The following TMPRSS7 variants were observed in gnomAD, a reference collection of about 807,000 sequenced individuals.
TMPRSS7 encodes the protein transmembrane protease serine 7.
Under a neutral mutation model 95.6 loss-of-function variants are expected in TMPRSS7, and 81 were observed. The observed-to-expected ratio is 0.85, with a 90% CI of 0.71 to 1.02. TMPRSS7 has a LOEUF of 1.02. Among genes scored for constraint, TMPRSS7 ranks in the 50% least tolerant of loss-of-function variants. The pLI is 0.00. For missense variants in TMPRSS7, 945 were observed against 955.2 expected (o/e 0.99, Z 0.14); for synonymous variants, 364 against 337.8 (o/e 1.08, Z -0.85).
chr3:112,053,158 C>A (rs1359828938), intron 9 of TMPRSS7, among the ~76,000 whole-genome samples: 1 of 138,898 alleles, frequency 7.2e-6, no homozygotes, highest in Admixed American at 7.7e-5. Context: ...CTTTTTTTTT[C>A]ACCTGTAAAA....
Position 112,038,218 on chromosome 3 carries a change from GAA to G in TMPRSS7, c.200_201del (p.Lys67SerfsTer9). ...AAGCCAAACCCAAGAAGCAATCCAAGAAAAAAGTTCCCTTTTGGAATGTACAA... is the reference window on the plus strand; with the variant it reads ...AAGCCAAACCCAAGAAGCAATCCAAGAAAAGTTCCCTTTTGGAATGTACAA... On this transcript the variant is annotated frameshift_variant, in exon 2 of 18. Transcript: ENST00000452346. LOFTEE classifies it high-confidence loss of function. 1 of 702,734 alleles carries G rather than the reference GAA, an allele frequency of 1.4e-6. No individual in the cohort carries two copies. Among genetic ancestry groups the G allele is most frequent in the South Asian group, 1.5e-5 (1 of 67,578 alleles). 43.5% of individuals were successfully genotyped at this position (702,734 alleles called of 1,614,324 possible). A position where few individuals can be genotyped will look rare whatever the true frequency, so the allele number is the denominator to read the frequency against.
chr3:112,064,153 G>A (rs1459320157), intron 12 of TMPRSS7, among the ~76,000 whole-genome samples: 4 of 152,104 alleles, frequency 2.6e-5, no homozygotes, highest in East Asian at 1.9e-4. Context: ...ATACTACCAC[G>A]GGGAGTAAAG....
At chr3:112,047,617 G>C in intron 6 of TMPRSS7, 122 bp from the exon 7 acceptor site, 1 of 722,418 alleles carries the variant, frequency 1.4e-6, no homozygotes, top group Non-Finnish European at 2.3e-6. Context: ...AGTGGACCTA[G>C]GCTGGCCATA....
chr3:112,053,053 T>A (rs2073381956), intron 9 of TMPRSS7, among the ~76,000 whole-genome samples: 1 of 152,112 alleles, frequency 6.6e-6, no homozygotes. Context: ...AAGTTTGTCC[T>A]CCTCAGTGTA....
rs1451953540 is a variant in TMPRSS7, at chr3:112,050,664, T to C, written c.1091-7T>C. On this transcript the variant is annotated splice_region_variant and splice_polypyrimidine_tract_variant and intron_variant, in intron 8 of 17. Coordinates refer to ENST00000452346, the Ensembl canonical transcript of TMPRSS7. ...AATCATTGTGTGTCACTGGGTATCT[T>C]TTCCAGAGTGTGAAAACACAGTGTT... The C allele has an allele frequency of 4.5e-6, 7 of 1,562,302 alleles. No homozygotes were observed. The highest frequency in any genetic ancestry group is 6.1e-6 in the Non-Finnish European group (7 of 1,149,944).
chr3:112,045,846 C>T (rs1234111205), exon 5 of TMPRSS7: 4 of 1,551,704 alleles, frequency 2.6e-6, no homozygotes, highest in Non-Finnish European at 3.5e-6. Context: ...GTGTTGCCGC[C>T]ATCTTGAAGG....
chr3:112,050,198 A>C (rs1188461023), intron 8 of TMPRSS7, among the ~76,000 whole-genome samples: 1 of 152,242 alleles, frequency 6.6e-6, no homozygotes, highest in Non-Finnish European at 1.5e-5. Context: ...CTCAAAAGGC[A>C]AAAAGGACAA....
chr3:112,042,000 C>A, exon 3 of TMPRSS7: 1 of 1,551,574 alleles, frequency 6.4e-7, no homozygotes, highest in Non-Finnish European at 8.7e-7. Flanking sequence ...CGAATACCGA[C>A]AAAAGGAGTC....
chr3:112,040,539 C>G (rs2073194798), intron 2 of TMPRSS7, among the ~76,000 whole-genome samples: 1 of 152,152 alleles, frequency 6.6e-6, no homozygotes, highest in Non-Finnish European at 1.5e-5. Flanking sequence ...CTTGAGGAAA[C>G]TGGTGGGGAA....
At position 112,038,760 on chromosome 3, in the gene TMPRSS7, GC is replaced by G. The variant is rs2073176704; in HGVS notation, c.298+440del. ...GCCTTCCAAAGTGCTAGGATTACAG[GC>G]GTGAACCATGGTGCCCGGCCTGGTG... On this transcript the variant is annotated intron_variant, in intron 2 of 17. Coordinates refer to ENST00000452346, the Ensembl canonical transcript of TMPRSS7. Among the ~76,000 whole-genome samples the G allele has an allele frequency of 4.6e-5, 7 of 152,172 alleles. 1 individual carries two copies. In the South Asian group the frequency reaches 1.5e-3, roughly 32 times the overall value.
intron 13 of TMPRSS7, among the ~76,000 whole-genome samples, chr3:112,069,268 G>T (rs190445089): frequency 1.3e-3 from 200 of 152,250 alleles, no homozygotes; most frequent in Non-Finnish European, 2.2e-3. Flanking sequence ...TTCATCTGGG[G>T]TATTGGTCTA....
intron 9 of TMPRSS7, among the ~76,000 whole-genome samples, chr3:112,051,589 CTCTAT>C (rs2073352761): frequency 2.0e-5 from 3 of 148,112 alleles, no homozygotes; most frequent in Admixed American, 6.7e-5. Flanking sequence ...CTATATCTAT[CTCTAT>C]TATCTATCTC....
chr3:112,045,939 A>T, exon 5 of TMPRSS7: 1 of 1,546,830 alleles, frequency 6.5e-7, no homozygotes, highest in African/African-American at 1.4e-5. Flanking sequence ...CTGTGGTACT[A>T]AATGGTGATT....
At chr3:112,049,409 A>G (rs1047918090) in intron 7 of TMPRSS7, among the ~76,000 whole-genome samples, 5 of 152,186 alleles carry the variant, frequency 3.3e-5, no homozygotes, top group Admixed American at 2.0e-4. Flanking sequence ...GACAACACAC[A>G]TGGCCTTTTT....
chr3:112,041,802 G>C, intron 2 of TMPRSS7, 118 bp from the exon 3 acceptor site: 2 of 665,096 alleles, frequency 3.0e-6, no homozygotes, highest in Non-Finnish European at 5.2e-6. Context: ...GAACCAGTTA[G>C]TATGTAGCTG....
At position 112,075,315 on chromosome 3, in the gene TMPRSS7, C is replaced by G; in HGVS notation, c.1784-6C>G. On this transcript the variant is annotated splice_region_variant and splice_polypyrimidine_tract_variant and intron_variant, in intron 14 of 17. Transcript: ENST00000452346. ...CTTTAAATCACATGCCCTTTCTCCA[C>G]CAAAGCCTGCAGCAGGAGTTCCTCC... 1.4e-6 allele frequency: 2 copies of G among 1,404,568 alleles called. No individual in the cohort carries two copies. The highest frequency in any genetic ancestry group is 1.9e-6 in the Non-Finnish European group (2 of 1,070,616). 87.0% of individuals were successfully genotyped at this position (1,404,568 alleles called of 1,614,324 possible).
At chr3:112,058,550 A>G (rs1434147130) in intron 10 of TMPRSS7, among the ~76,000 whole-genome samples, 1 of 152,248 alleles carries the variant, frequency 6.6e-6, no homozygotes, top group African/African-American at 2.4e-5. Flanking sequence ...ATTAATATGA[A>G]TAACAAGATT....
At chr3:112,043,458 A>C (rs2073237642) in intron 3 of TMPRSS7, among the ~76,000 whole-genome samples, 1 of 151,758 alleles carries the variant, frequency 6.6e-6, no homozygotes, top group African/African-American at 2.4e-5. Context: ...AAGAAAAAGA[A>C]AAAAAAAATC....
intron 14 of TMPRSS7, among the ~76,000 whole-genome samples, 157 bp from the exon 15 acceptor site, chr3:112,075,164 T>C (rs1013300185): frequency 6.6e-6 from 1 of 152,216 alleles, no homozygotes; most frequent in Admixed American, 6.5e-5. Flanking sequence ...TTTGTTTGTA[T>C]TGGTTTCAGA....
Sources: allele counts gnomAD v4.1 joint callset (sites outside exome capture counted in the v4.1 genomes callset), GRCh38; gene constraint gnomAD v4.1.1; transcripts MANE v1.5; gene names NCBI Gene and HGNC (gene_info 2026-07-23, HGNC 2026-07-21).